The following POLR1H variants were observed in gnomAD, a reference collection of about 807,000 sequenced individuals.
POLR1H encodes DNA-directed RNA polymerase I subunit RPA12.
A neutral mutation model predicts 15.8 loss-of-function variants in POLR1H; 5 were observed. The ratio of observed to expected loss-of-function variants is 0.32; its 90% confidence interval spans 0.17 to 0.67. The LOEUF (loss-of-function observed/expected upper bound fraction) is 0.67. Among genes scored for constraint, POLR1H ranks in the 30% least tolerant of loss-of-function variants. POLR1H has a pLI of 0.74. For missense variants in POLR1H, 100 were observed against 163.4 expected, an observed-to-expected ratio of 0.61 and a Z score of 2.11; for synonymous variants, 43 against 58.3, an observed-to-expected ratio of 0.74 and a Z score of 1.20.
rs985016400 is a variant in POLR1H at position 30,061,645 on chromosome 6, T to C, written c.121T>C (p.Cys41Arg). Residue 41 changes from cysteine (C) to arginine (R), a missense_variant, in exon 1 of 4, where the codon TGT becomes CGT. Transcript: ENST00000332435. The surrounding 1 kb of genome is among the most constrained non-coding windows in gnomAD (Gnocchi z 5.0). The part of the protein sequence containing the change: ...GAQDTVTCIR[C>R]GFNINVRDFE... ...TCAGGATACGGTCACCTGTATTCGC[T>C]GTGGCTTCAACATCAACGTTCGGGG... is the stretch of plus-strand genomic sequence containing the variant. 2.5e-5 allele frequency: 41 copies of C among 1,612,932 alleles called. No homozygotes were observed. The highest frequency in any genetic ancestry group is 3.5e-5 in the Non-Finnish European group (41 of 1,180,046).
Position 30,061,639 on chromosome 6 carries a change from A to G in POLR1H, c.115A>G (p.Ile39Val). 6.2e-7 allele frequency: 1 copy of G among 1,613,010 alleles called. No individual in the cohort carries two copies. The highest frequency in any genetic ancestry group is 8.5e-7 in the Non-Finnish European group (1 of 1,180,038). Residue 39 changes from isoleucine (I) to valine (V), a missense_variant, in exon 1 of 4, where the codon ATT (isoleucine) becomes GTT (valine). This residue lies in a region of POLR1H where 87 missense variants were observed against 119.8 expected (regional missense o/e 0.73). Coordinates refer to ENST00000332435, the MANE Select transcript of POLR1H (RefSeq NM_170783.4). This position sits in a 1 kb window ranked among gnomAD's most constrained non-coding sequence, Gnocchi z 5.0. ...LPGAQDTVTCIRCGFNINVRD... is the reference protein window; with the variant it reads ...LPGAQDTVTCVRCGFNINVRD... ...CGGGGCTCAGGATACGGTCACCTGT[A>G]TTCGCTGTGGCTTCAACATCAACGT...
Position 30,061,866 on chromosome 6 carries a change from T to A in POLR1H, c.146-51T>A, listed in dbSNP as rs1208322480. On this transcript the variant is annotated intron_variant, in intron 1 of 3. Transcript: ENST00000332435. The surrounding 1 kb of genome is among the most constrained non-coding windows in gnomAD (Gnocchi z 5.0). ...GCCAGGGGAAAGGGGAGGTTTCCGGTGTCAGCTCTCTCTGGTTGTCTCCAT... is the reference window on the plus strand; with the variant it reads ...GCCAGGGGAAAGGGGAGGTTTCCGGAGTCAGCTCTCTCTGGTTGTCTCCAT... 1 of 1,594,546 alleles carries A rather than the reference T, an allele frequency of 6.3e-7. No individual in the cohort carries two copies.
Position 30,062,284 on chromosome 6 carries a change from C to G in POLR1H, c.307C>G (p.Arg103Gly), listed in dbSNP as rs754548771. The change falls in exon 3 of 4, where the codon CGT (arginine) becomes GGT (glycine). Residue 103 changes from arginine (R) to glycine (G), a missense_variant. By Grantham distance (125) the Arg-to-Gly change is moderately radical (BLOSUM62 -2). Coordinates refer to ENST00000332435, the MANE Select transcript of POLR1H (RefSeq NM_170783.4). ...EGMAYHTRQMRSADEGQTVFY... is the reference protein window; with the variant it reads ...EGMAYHTRQMGSADEGQTVFY... ...AATGGCATACCACACCAGACAGATGCGTTCAGCCGATGAAGGGCAAACTGT... is the reference window on the plus strand; with the variant it reads ...AATGGCATACCACACCAGACAGATGGGTTCAGCCGATGAAGGGCAAACTGT... 1.7e-5 allele frequency: 27 copies of G among 1,612,956 alleles called. No individual in the cohort carries two copies. Among genetic ancestry groups the G allele is most frequent in the Non-Finnish European group, 8.5e-7 (1 of 1,180,018 alleles).
Position 30,063,143 on chromosome 6 carries a change from A to G in POLR1H, c.356+810A>G, listed in dbSNP as rs1765249480. Among the ~76,000 whole-genome samples the G allele has an allele frequency of 6.6e-6, 1 of 151,494 alleles. No individual in the cohort carries two copies. Among genetic ancestry groups the G allele is most frequent in the Non-Finnish European group, 1.5e-5 (1 of 67,814 alleles). Reference sequence around the variant, plus strand: ...GGATTTGTTGGACTTTCTGAAACTGAGAGTGGACTTTTTTTTCATCAACCT... The same window carrying G: ...GGATTTGTTGGACTTTCTGAAACTGGGAGTGGACTTTTTTTTCATCAACCT... On this transcript the variant is annotated intron_variant, in intron 3 of 3. Transcript: ENST00000332435. This position sits in a 1 kb window ranked among gnomAD's most constrained non-coding sequence, Gnocchi z 4.1.
At position 30,061,395 on chromosome 6, in the gene POLR1H, A is replaced by G; in HGVS notation, c.-130A>G. 3.0e-6 allele frequency: 3 copies of G among 1,015,302 alleles called. No homozygotes were observed. The allele number at this position is 1,015,302 out of a possible 1,614,324, so 62.9% of individuals were successfully genotyped here. A position where few individuals can be genotyped will look rare whatever the true frequency, so the allele number is the denominator to read the frequency against. ...TCGGCTCCTTGGTCGCAGAGGCAGG[A>G]GGCGTGCGTGGCAGGAGGGTTCGGG... On this transcript the variant is annotated 5_prime_UTR_variant, in exon 1 of 4. Coordinates refer to ENST00000332435, the MANE Select transcript of POLR1H (RefSeq NM_170783.4). The surrounding 1 kb of genome is among the most constrained non-coding windows in gnomAD (Gnocchi z 5.0).
At position 30,064,737 on chromosome 6, in the gene POLR1H, G is replaced by A. The variant is rs769986383; in HGVS notation, c.*40G>A. The A allele has an allele frequency of 3.5e-5, 56 of 1,589,868 alleles. No homozygotes were observed. Among genetic ancestry groups the A allele is most frequent in the Middle Eastern group, 1.7e-4 (1 of 5,988 alleles). On this transcript the variant is annotated 3_prime_UTR_variant, in exon 4 of 4. Transcript: ENST00000332435. ...AACTCTACAGTCCCTCCCTCCTTTC[G>A]GAAGGTGAAGGATACTGGGTTTTTA...
chr6:30,061,887 T>G lies in POLR1H; in HGVS notation c.146-30T>G. 6.2e-7 allele frequency: 1 copy of G among 1,605,720 alleles called. No homozygotes were observed. Among genetic ancestry groups the G allele is most frequent in the Non-Finnish European group, 8.5e-7 (1 of 1,173,394 alleles). On this transcript the variant is annotated intron_variant, in intron 1 of 3. Coordinates refer to ENST00000332435, the MANE Select transcript of POLR1H (RefSeq NM_170783.4). The surrounding 1 kb of genome is among the most constrained non-coding windows in gnomAD (Gnocchi z 5.0). ...CCGGTGTCAGCTCTCTCTGGTTGTCTCCATAACCAGTTCTTACTTGCCTGT... is the reference window on the plus strand; with the variant it reads ...CCGGTGTCAGCTCTCTCTGGTTGTCGCCATAACCAGTTCTTACTTGCCTGT...
chr6:30,061,845 G>A lies in POLR1H; in HGVS notation c.146-72G>A, dbSNP rs1765101163. The stretch of plus-strand genomic sequence containing the variant: ...TAGGGCCTCCTGGCCTAACCAGCCA[G>A]GGGAAAGGGGAGGTTTCCGGTGTCA... On this transcript the variant is annotated intron_variant, in intron 1 of 3. Coordinates refer to ENST00000332435, the MANE Select transcript of POLR1H (RefSeq NM_170783.4). This position sits in a 1 kb window ranked among gnomAD's most constrained non-coding sequence, Gnocchi z 5.0. The A allele has an allele frequency of 6.3e-7, 1 of 1,577,480 alleles. No homozygotes were observed. The highest frequency in any genetic ancestry group is 8.7e-7 in the Non-Finnish European group (1 of 1,150,698).
In POLR1H at chr6:30,064,707, T is replaced by C. The variant is rs758128218; in HGVS notation, c.*10T>C. 1 of 1,608,830 alleles carries C rather than the reference T, an allele frequency of 6.2e-7. No individual in the cohort carries two copies. Among genetic ancestry groups the C allele is most frequent in the Non-Finnish European group, 8.5e-7 (1 of 1,178,456 alleles). On this transcript the variant is annotated 3_prime_UTR_variant, in exon 4 of 4. Coordinates refer to ENST00000332435, the MANE Select transcript of POLR1H (RefSeq NM_170783.4). Reference sequence around the variant, plus strand: ...GAAGGAAGACTCTTGACCTTTTTCCTGGGCAACTCTACAGTCCCTCCCTCC... The same window carrying C: ...GAAGGAAGACTCTTGACCTTTTTCCCGGGCAACTCTACAGTCCCTCCCTCC...
rs1342638958 is a variant in POLR1H at position 30,061,961 on chromosome 6, C to A, written c.190C>A (p.Leu64Met). ...VVKTSVVFHQ[L>M]GTAMPMSVEE... is the part of the protein sequence containing the mutation. ...GAAGACTTCGGTTGTGTTCCACCAA[C>A]TGGGGACAGCCATGCCTATGTCGGT... The change falls in exon 2 of 4, where the codon CTG (leucine) becomes ATG (methionine). Residue 64 changes from leucine to methionine, a missense_variant. Transcript: ENST00000332435. The surrounding 1 kb of genome is among the most constrained non-coding windows in gnomAD (Gnocchi z 5.0). 6.2e-7 allele frequency: 1 copy of A among 1,613,072 alleles called. No homozygotes were observed. The highest frequency in any genetic ancestry group is 8.5e-7 in the Non-Finnish European group (1 of 1,180,032).
intron 3 of POLR1H, 63 bp downstream of exon 3, chr6:30,062,396 A>T: frequency 1.7e-6 from 2 of 1,182,862 alleles, no homozygotes; most frequent in Non-Finnish European, 2.5e-6. Context: ...CCAGTGATTT[A>T]TTTTTTTGTA....
At position 30,061,335 on chromosome 6, in the gene POLR1H, T is replaced by C. The variant is rs1169757826; in HGVS notation, c.-190T>C. On this transcript the variant is annotated 5_prime_UTR_variant, in exon 1 of 4. Coordinates refer to ENST00000332435, the MANE Select transcript of POLR1H (RefSeq NM_170783.4). The surrounding 1 kb of genome is among the most constrained non-coding windows in gnomAD (Gnocchi z 5.0). ...GCCCCTGGAAAGGGTTCCAAGTCCTTTAGTACCCGACGCTGTCTGGGAATT... is the reference window on the plus strand; with the variant it reads ...GCCCCTGGAAAGGGTTCCAAGTCCTCTAGTACCCGACGCTGTCTGGGAATT... The C allele has an allele frequency of 2.1e-5, 13 of 612,430 alleles. No individual in the cohort carries two copies. The Admixed American group carries it at 3.9e-4, about 18-fold the overall frequency. The allele number at this position is 612,430 out of a possible 1,614,324, so 37.9% of individuals were successfully genotyped here.
intron 3 of POLR1H, 81 bp from the exon 4 acceptor site, chr6:30,064,592 A>C: frequency 7.6e-7 from 1 of 1,323,812 alleles, no homozygotes; most frequent in Non-Finnish European, 1.1e-6. Flanking sequence ...TCCTTCCTTG[A>C]TTATTTGATT....
Position 30,061,430 on chromosome 6 carries a change from C to T in POLR1H, c.-95C>T. On this transcript the variant is annotated 5_prime_UTR_variant, in exon 1 of 4. Transcript: ENST00000332435. The surrounding 1 kb of genome is among the most constrained non-coding windows in gnomAD (Gnocchi z 5.0). ...GGCAGGAGGGTTCGGGTTATATACTCCTAGGTCCTGGGACAGAATAGTTAC... is the reference window on the plus strand; with the variant it reads ...GGCAGGAGGGTTCGGGTTATATACTTCTAGGTCCTGGGACAGAATAGTTAC... The T allele has an allele frequency of 1.4e-6, 2 of 1,464,456 alleles. No individual in the cohort carries two copies. Among genetic ancestry groups the T allele is most frequent in the Non-Finnish European group, 1.9e-6 (2 of 1,068,628 alleles). 90.7% of individuals were successfully genotyped at this position (1,464,456 alleles called of 1,614,324 possible). A position where few individuals can be genotyped will look rare whatever the true frequency, so the allele number is the denominator to read the frequency against.
chr6:30,061,939 G>A lies in POLR1H; in HGVS notation c.168G>A (p.Lys56=). The A allele has an allele frequency of 1.2e-6, 2 of 1,613,112 alleles. No individual in the cohort carries two copies. Among genetic ancestry groups the A allele is most frequent in the Non-Finnish European group, 1.7e-6 (2 of 1,180,028 alleles). The change falls in exon 2 of 4, where the codon AAG becomes AAA. Residue 56 remains lysine, a synonymous_variant. Transcript: ENST00000332435. This position sits in a 1 kb window ranked among gnomAD's most constrained non-coding sequence, Gnocchi z 5.0. ...CAGACTTTGAGGGGAAGGTTGTGAA[G>A]ACTTCGGTTGTGTTCCACCAACTGG... The part of the protein sequence containing the change: ...NVRDFEGKVV[K]TSVVFHQLGT...
intron 3 of POLR1H, among the ~76,000 whole-genome samples, chr6:30,064,342 G>A (rs181298989): frequency 1.5e-3 from 218 of 149,592 alleles, no homozygotes; most frequent in African/African-American, 4.9e-3. Flanking sequence ...TTTTCCCAGC[G>A]TGTGGCTTGC....
intron 3 of POLR1H, 30 bp downstream of exon 3, chr6:30,062,363 G>A: frequency 6.9e-7 from 1 of 1,459,698 alleles, no homozygotes; most frequent in Non-Finnish European, 9.6e-7. Context: ...CCTCTGCTCA[G>A]TCTGTTTGCT....
rs769445602 is a variant in POLR1H, at chr6:30,061,662, C to T, written c.138C>T (p.Asn46=). ...GTATTCGCTGTGGCTTCAACATCAA[C>T]GTTCGGGGTGAGAGGCTTGTACGCA... is the stretch of plus-strand genomic sequence containing the variant. The part of the protein sequence containing the change: ...VTCIRCGFNI[N]VRDFEGKVVK... Residue 46 remains asparagine, a synonymous_variant, in exon 1 of 4, where the codon AAC becomes AAT. Transcript: ENST00000332435. This position sits in a 1 kb window ranked among gnomAD's most constrained non-coding sequence, Gnocchi z 5.0. 3 of 1,613,010 alleles carry T rather than the reference C, an allele frequency of 1.9e-6. No individual in the cohort carries two copies. The highest frequency in any genetic ancestry group is 1.3e-5 in the African/African-American group (1 of 75,042).
Position 30,062,714 on chromosome 6 carries a change from C to CCTTTTTT in POLR1H, c.356+381_356+382insCTTTTTT, listed in dbSNP as rs749507630. 2.2e-3 allele frequency among the ~76,000 whole-genome samples: 94 copies of CCTTTTTT among 42,386 alleles called. 6 individuals carry two copies. Among genetic ancestry groups the CCTTTTTT allele is most frequent in the African/African-American group, 6.8e-3 (67 of 9,842 alleles). 27.8% of individuals were successfully genotyped at this position (42,386 alleles called of 152,430 possible). A position where few individuals can be genotyped will look rare whatever the true frequency, so the allele number is the denominator to read the frequency against. ...CACAGACACATGCCACCACGCCTGG[C>CCTTTTTT]TTTTTTTTTTTTTTTTTTTTTTTTT... On this transcript the variant is annotated intron_variant, in intron 3 of 3. Coordinates refer to ENST00000332435, the MANE Select transcript of POLR1H (RefSeq NM_170783.4).
Sources: allele counts gnomAD v4.1 joint callset (sites outside exome capture counted in the v4.1 genomes callset), GRCh38; gene constraint gnomAD v4.1.1; regional missense constraint gnomAD v4.1.1; non-coding constraint Gnocchi (gnomAD v3.1); transcripts MANE v1.5; gene names NCBI Gene and HGNC (gene_info 2026-07-23, HGNC 2026-07-21).